The following OSBPL3 variants were observed in gnomAD, a reference collection of about 807,000 sequenced individuals.
OSBPL3 encodes the protein oxysterol binding protein like 3, also known as oxysterol-binding protein-related protein 3.
Under a neutral mutation model 120.1 loss-of-function variants are expected in OSBPL3, and 65 were observed. The ratio of observed to expected loss-of-function variants is 0.54; its 90% confidence interval spans 0.44 to 0.67. The LOEUF (loss-of-function observed/expected upper bound fraction) is 0.67. Among genes scored for constraint, OSBPL3 ranks in the 30% least tolerant of loss-of-function variants. The pLI is 0.00. For missense variants in OSBPL3, 1,004 were observed against 1,082.1 expected, an observed-to-expected ratio of 0.93 and a Z score of 1.01; for synonymous variants, 416 against 402.6, an observed-to-expected ratio of 1.03 and a Z score of -0.40.
intron 1 of OSBPL3, among the ~76,000 whole-genome samples, chr7:24,935,358 T>G (rs940678791): frequency 9.2e-5 from 14 of 152,186 alleles, no homozygotes; most frequent in African/African-American, 3.4e-4. Flanking sequence ...CAGAACTTAC[T>G]CAGAAACTCA....
rs1809584601 is a variant in OSBPL3 at position 24,916,672 on chromosome 7, C to T, written c.-149-24051G>A. Among the ~76,000 whole-genome samples the T allele has an allele frequency of 6.6e-6, 1 of 152,026 alleles. No individual in the cohort carries two copies. The highest frequency in any genetic ancestry group is 1.5e-5 in the Non-Finnish European group (1 of 68,032). ...TGTTGGAGAAACATTATGTGCCATG[C>T]TCTAAGGTGAAAGAATCTGCCTAAT... On this transcript the variant is annotated intron_variant, in intron 1 of 22. Coordinates refer to ENST00000313367, the MANE Select transcript of OSBPL3 (RefSeq NM_015550.4). This position sits in a 1 kb window ranked among gnomAD's most constrained non-coding sequence, Gnocchi z 4.9.
At chr7:24,976,388 C>T (rs1817591204) in intron 1 of OSBPL3, among the ~76,000 whole-genome samples, 1 of 152,014 alleles carries the variant, frequency 6.6e-6, no homozygotes, top group South Asian at 2.1e-4. Flanking sequence ...GGTAGGAAAA[C>T]CCACCTGTAG....
At position 24,820,306 on chromosome 7, in the gene OSBPL3, T is replaced by C; in HGVS notation, c.1885-68A>G. ...TTTGTGTCTCATGAAATCCATTCTT[T>C]CTCCCCTGCACTGAGATGTAACAGC... is the stretch of plus-strand genomic sequence containing the variant. On this transcript the variant is annotated intron_variant, in intron 16 of 22. Coordinates refer to ENST00000313367, the MANE Select transcript of OSBPL3 (RefSeq NM_015550.4). The surrounding 1 kb of genome is among the most constrained non-coding windows in gnomAD (Gnocchi z 4.6). The C allele has an allele frequency of 1.7e-6, 2 of 1,182,652 alleles. No individual in the cohort carries two copies. Among genetic ancestry groups the C allele is most frequent in the Non-Finnish European group, 2.5e-6 (2 of 800,968 alleles). 73.3% of individuals were successfully genotyped at this position (1,182,652 alleles called of 1,614,324 possible).
In OSBPL3 at chr7:24,900,830, G is replaced by C. The variant is rs1302677457; in HGVS notation, c.-149-8209C>G. Among the ~76,000 whole-genome samples, 1 of 152,186 alleles carries C rather than the reference G, an allele frequency of 6.6e-6. No individual in the cohort carries two copies. The highest frequency in any genetic ancestry group is 1.5e-5 in the Non-Finnish European group (1 of 68,032). On this transcript the variant is annotated intron_variant, in intron 1 of 22. Coordinates refer to ENST00000313367, the MANE Select transcript of OSBPL3 (RefSeq NM_015550.4). This position sits in a 1 kb window ranked among gnomAD's most constrained non-coding sequence, Gnocchi z 4.5. Reference sequence around the variant, plus strand: ...CAAAAAATATTAGGTTGGTGTGAAAGTAAGTGCGGATTTTGCCATTGGCAC... The same window carrying C: ...CAAAAAATATTAGGTTGGTGTGAAACTAAGTGCGGATTTTGCCATTGGCAC...
chr7:24,843,544 G>A (rs1213755120), intron 12 of OSBPL3, among the ~76,000 whole-genome samples: 1 of 152,166 alleles, frequency 6.6e-6, no homozygotes, highest in Non-Finnish European at 1.5e-5. Flanking sequence ...GCTATGACAG[G>A]AGGGCCACAG....
rs558401299 is a variant in OSBPL3 at position 24,889,643 on chromosome 7, C to G, written c.96+2734G>C. On this transcript the variant is annotated intron_variant, in intron 2 of 22. Transcript: ENST00000313367. ...GTGGCAAAAAAAAGATTAAGTATCT[C>G]CATGGATCAGAACCAAATAGAAATG... is the stretch of plus-strand genomic sequence containing the variant. Among the ~76,000 whole-genome samples, 9 of 152,208 alleles carry G rather than the reference C, an allele frequency of 5.9e-5. No homozygotes were observed. The South Asian group carries it at 8.3e-4, about 14-fold the overall frequency.
At chr7:24,843,133 T>C (rs1797983639) in intron 12 of OSBPL3, among the ~76,000 whole-genome samples, 1 of 152,192 alleles carries the variant, frequency 6.6e-6, no homozygotes, top group African/African-American at 2.4e-5. Flanking sequence ...TGGGGAGGAC[T>C]TAAGTCCTGA....
chr7:24,837,590 C>T (rs1029133911), intron 14 of OSBPL3, among the ~76,000 whole-genome samples: 1 of 152,180 alleles, frequency 6.6e-6, no homozygotes, highest in Non-Finnish European at 1.5e-5. Flanking sequence ...GCATGCTACT[C>T]CACCGCCATC....
In OSBPL3 at chr7:24,898,785, A is replaced by G. The variant is rs1276290751; in HGVS notation, c.-149-6164T>C. Among the ~76,000 whole-genome samples the G allele has an allele frequency of 6.6e-6, 1 of 152,194 alleles. No homozygotes were observed. The highest frequency in any genetic ancestry group is 1.9e-4 in the East Asian group (1 of 5,192). On this transcript the variant is annotated intron_variant, in intron 1 of 22. Coordinates refer to ENST00000313367, the MANE Select transcript of OSBPL3 (RefSeq NM_015550.4). This position sits in a 1 kb window ranked among gnomAD's most constrained non-coding sequence, Gnocchi z 4.3. Reference sequence around the variant, plus strand: ...TTAGAATCATGGAGCCTAATAACGAATTCTAGCCCAACCTCCGGCTTAAAC... The same window carrying G: ...TTAGAATCATGGAGCCTAATAACGAGTTCTAGCCCAACCTCCGGCTTAAAC...
intron 5 of OSBPL3, among the ~76,000 whole-genome samples, 168 bp from the exon 6 acceptor site, chr7:24,866,405 C>T (rs73272266): frequency 0.18 from 27,977 of 152,060 alleles, 2,898 homozygotes; most frequent in Non-Finnish European, 0.23. Flanking sequence ...TGGAAGGCCA[C>T]GGAGGGAGGA....
chr7:24,835,630 A>G lies in OSBPL3; in HGVS notation c.1496-894T>C, dbSNP rs757102148. Among the ~76,000 whole-genome samples, 1 of 152,184 alleles carries G rather than the reference A, an allele frequency of 6.6e-6. No homozygotes were observed. The highest frequency in any genetic ancestry group is 1.5e-5 in the Non-Finnish European group (1 of 68,028). On this transcript the variant is annotated intron_variant, in intron 14 of 22. Coordinates refer to ENST00000313367, the MANE Select transcript of OSBPL3 (RefSeq NM_015550.4). The surrounding 1 kb of genome is among the most constrained non-coding windows in gnomAD (Gnocchi z 4.8). ...CATGCACGTGTATGTTTATCACAGCACTATTCCCAACAGCAAAGACATGGA... is the reference window on the plus strand; with the variant it reads ...CATGCACGTGTATGTTTATCACAGCGCTATTCCCAACAGCAAAGACATGGA...
chr7:24,837,683 T>C (rs1211423207), intron 14 of OSBPL3, among the ~76,000 whole-genome samples: 1 of 152,232 alleles, frequency 6.6e-6, no homozygotes, highest in African/African-American at 2.4e-5. Context: ...TTCACATGCA[T>C]TATTCCTACT....
rs572866494 is a variant in OSBPL3 at position 24,872,202 on chromosome 7, A to T, written c.97-133T>A. The T allele has an allele frequency of 4.6e-6, 3 of 655,250 alleles. No homozygotes were observed. The highest frequency in any genetic ancestry group is 8.2e-6 in the Non-Finnish European group (3 of 365,426). 40.6% of individuals were successfully genotyped at this position (655,250 alleles called of 1,614,324 possible). A position where few individuals can be genotyped will look rare whatever the true frequency, so the allele number is the denominator to read the frequency against. On this transcript the variant is annotated intron_variant, in intron 2 of 22. Transcript: ENST00000313367. The surrounding 1 kb of genome is among the most constrained non-coding windows in gnomAD (Gnocchi z 4.1). ...TGGGTTTGTTGGGGAGAAGAAATCC[A>T]AATTTAATTTCCATACAGTCCCTGG...
rs1805274040 is a variant in OSBPL3, at chr7:24,891,057, C to T, written c.96+1320G>A. On this transcript the variant is annotated intron_variant, in intron 2 of 22. Coordinates refer to ENST00000313367, the MANE Select transcript of OSBPL3 (RefSeq NM_015550.4). The surrounding 1 kb of genome is among the most constrained non-coding windows in gnomAD (Gnocchi z 4.1). The stretch of plus-strand genomic sequence containing the variant: ...GAAGATGGCGCAGGTAGGGGATATA[C>T]CACATACTGTTTTAATCCCAACCAG... 6.6e-6 allele frequency among the ~76,000 whole-genome samples: 1 copy of T among 152,104 alleles called. No individual in the cohort carries two copies. Among genetic ancestry groups the T allele is most frequent in the Admixed American group, 6.5e-5 (1 of 15,272 alleles).
chr7:24,814,999 G>A, intron 19 of OSBPL3, 60 bp downstream of exon 19: 1 of 1,540,492 alleles, frequency 6.5e-7, no homozygotes, highest in Admixed American at 1.7e-5. Context: ...CCTGTGCTCT[G>A]GGGCCCTGGC....
rs1343650610 is a variant in OSBPL3 at position 24,827,375 on chromosome 7, G to A, written c.1884+3393C>T. On this transcript the variant is annotated intron_variant, in intron 16 of 22. Coordinates refer to ENST00000313367, the MANE Select transcript of OSBPL3 (RefSeq NM_015550.4). The surrounding 1 kb of genome is among the most constrained non-coding windows in gnomAD (Gnocchi z 5.1). ...TTAGAATAGACAGCATTGGGAGAGG[G>A]AAAGAGGGGTACTGAGCTGATAGGC... 1.3e-5 allele frequency among the ~76,000 whole-genome samples: 2 copies of A among 152,240 alleles called. No individual in the cohort carries two copies. Among genetic ancestry groups the A allele is most frequent in the Admixed American group, 6.5e-5 (1 of 15,288 alleles).
Position 24,834,808 on chromosome 7 carries a change from A to T in OSBPL3, c.1496-72T>A. 1 of 1,365,980 alleles carries T rather than the reference A, an allele frequency of 7.3e-7. No homozygotes were observed. The highest frequency in any genetic ancestry group is 9.8e-7 in the Non-Finnish European group (1 of 1,016,802). 84.6% of individuals were successfully genotyped at this position (1,365,980 alleles called of 1,614,324 possible). ...ATTCTATTATTTTTAATCCACGAAT[A>T]AAACCTTACGTAGCAAGTAGTCAAT... On this transcript the variant is annotated intron_variant, in intron 14 of 22. Transcript: ENST00000313367. The surrounding 1 kb of genome is among the most constrained non-coding windows in gnomAD (Gnocchi z 5.2).
At position 24,845,384 on chromosome 7, in the gene OSBPL3, TAAAAAAAAAAAAAA is replaced by T. The variant is rs34559902; in HGVS notation, c.1267-2985_1267-2972del. On this transcript the variant is annotated intron_variant, in intron 12 of 22. Transcript: ENST00000313367. ...GAATTTACAAATATTGCAAAATAAG[TAAAAAAAAAAAAAA>T]AAAAAAAAAAAAAAAAGAAAACCCA... Among the ~76,000 whole-genome samples, 69 of 62,262 alleles carry T rather than the reference TAAAAAAAAAAAAAA, an allele frequency of 1.1e-3. 1 individual carries two copies. Among genetic ancestry groups the T allele is most frequent in the Admixed American group, 3.7e-3 (14 of 3,820 alleles). 40.8% of individuals were successfully genotyped at this position (62,262 alleles called of 152,430 possible).
intron 1 of OSBPL3, among the ~76,000 whole-genome samples, chr7:24,949,251 A>G (rs574025341): frequency 1.4e-4 from 21 of 152,318 alleles, no homozygotes; most frequent in African/African-American, 4.8e-4. Flanking sequence ...ACAGACCTAC[A>G]GCATAGCTTC....
Sources: allele counts gnomAD v4.1 joint callset (sites outside exome capture counted in the v4.1 genomes callset), GRCh38; gene constraint gnomAD v4.1.1; non-coding constraint Gnocchi (gnomAD v3.1); transcripts MANE v1.5; gene names NCBI Gene and HGNC (gene_info 2026-07-23, HGNC 2026-07-21).